Variants in DBN1 observed in about 807,000 individuals in gnomAD.
The protein encoded by DBN1 is drebrin.
DBN1 carries 21 observed loss-of-function variants against 83.5 expected under a neutral mutation model. The observed-to-expected ratio is 0.25, with a 90% CI of 0.18 to 0.36. DBN1 has a LOEUF of 0.36. Among genes scored for constraint, DBN1 ranks in the 10% least tolerant of loss-of-function variants. DBN1 has a pLI of 1.00. For missense variants in DBN1, 874 were observed against 935.7 expected (o/e 0.93, Z 0.86); for synonymous variants, 381 against 384.9 (o/e 0.99, Z 0.12).
intron 2 of DBN1, 109 bp from the exon 3 acceptor site, chr5:177,468,329 G>T: frequency 1.1e-6 from 1 of 925,708 alleles, no homozygotes. Flanking sequence ...CACCCCCAGG[G>T]GTCTTCTGGC....
At chr5:177,459,926 G>C (rs1426762823) in intron 10 of DBN1, among the ~76,000 whole-genome samples, 186 bp from the exon 11 acceptor site, 1 of 152,184 alleles carries the variant, frequency 6.6e-6, no homozygotes, top group South Asian at 2.1e-4. Context: ...GCCAGCCTGG[G>C]AGCAGTACAG....
At chr5:177,459,290 G>C in intron 11 of DBN1, 22 bp from the exon 12 acceptor site, 1 of 1,599,564 alleles carries the variant, frequency 6.3e-7, no homozygotes, top group African/African-American at 1.3e-5. Context: ...ACCCCAGGTG[G>C]GTCAGTGAGG....
At chr5:177,473,414 G>A in intron 1 of DBN1, 22 bp downstream of exon 1, 1 of 1,344,592 alleles carries the variant, frequency 7.4e-7, no homozygotes, top group Non-Finnish European at 9.8e-7. Flanking sequence ...AAAGGGGCCG[G>A]GGGCGGGGGC....
chr5:177,468,775 TG>T (rs1757643394), intron 2 of DBN1, 68 bp downstream of exon 2: 2 of 1,115,854 alleles, frequency 1.8e-6, no homozygotes, highest in Non-Finnish European at 2.4e-6. Flanking sequence ...TACAGCCAGG[TG>T]GGTGGGGAAG....
intron 1 of DBN1, chr5:177,472,843 C>T (rs34798703): frequency 3.0e-6 from 3 of 985,984 alleles, no homozygotes; most frequent in African/African-American, 1.7e-5. Flanking sequence ...CAGCAAACAT[C>T]CTTCCACCTC....
At chr5:177,462,168 T>A in intron 8 of DBN1, 5 of 895,698 alleles carry the variant, frequency 5.6e-6, no homozygotes, top group Non-Finnish European at 6.6e-6. Context: ...CACCCCTGCC[T>A]GACCTAGCCG....
intron 9 of DBN1, 37 bp downstream of exon 9, chr5:177,460,607 C>G: frequency 4.3e-6 from 7 of 1,614,158 alleles, no homozygotes; most frequent in Non-Finnish European, 5.9e-6. Context: ...TGAGATAGCC[C>G]TGTCTGCCTC....
At chr5:177,472,302 A>T in intron 1 of DBN1, 2 of 1,565,972 alleles carry the variant, frequency 1.3e-6, no homozygotes, top group East Asian at 4.7e-5. Context: ...GGGGTCCCTC[A>T]GACCTGCCCT....
chr5:177,472,802 G>A, intron 1 of DBN1: 1 of 986,426 alleles, frequency 1.0e-6, no homozygotes, highest in Non-Finnish European at 1.2e-6. Flanking sequence ...ACCCGCGGCG[G>A]TAAGGGAGTC....
intron 12 of DBN1, 137 bp from the exon 13 acceptor site, chr5:177,458,844 G>T: frequency 9.0e-7 from 1 of 1,108,778 alleles, no homozygotes; most frequent in Non-Finnish European, 1.2e-6. Flanking sequence ...AGTGACCCCA[G>T]TGACTTTAAG....
chr5:177,463,209 T>G (rs1487027137), intron 8 of DBN1, among the ~76,000 whole-genome samples: 1 of 152,192 alleles, frequency 6.6e-6, no homozygotes, highest in Non-Finnish European at 1.5e-5. Context: ...GCTAATTTCT[T>G]GTATTTTTTA....
chr5:177,468,767 C>T, intron 2 of DBN1, 77 bp downstream of exon 2: 1 of 1,048,600 alleles, frequency 9.5e-7, no homozygotes, highest in African/African-American at 1.6e-5. Context: ...AGGTGGCCTA[C>T]AGCCAGGTGG....
chr5:177,466,467 T>C lies in DBN1; in HGVS notation c.771+305A>G, dbSNP rs1468181122. Among the ~76,000 whole-genome samples, 1 of 152,164 alleles carries C rather than the reference T, an allele frequency of 6.6e-6. No homozygotes were observed. Among genetic ancestry groups the C allele is most frequent in the African/African-American group, 2.4e-5 (1 of 41,442 alleles). On this transcript the variant is annotated intron_variant, in intron 8 of 14. Coordinates refer to ENST00000393565, the MANE Select transcript of DBN1 (RefSeq NM_001363541.2). The surrounding 1 kb of genome is among the most constrained non-coding windows in gnomAD (Gnocchi z 4.8). The stretch of plus-strand genomic sequence containing the variant: ...GCCCCTCAGAGTGCAGAACAGTGTC[T>C]AATCGCCGAGAAACCCCAGGGCAGG...
At chr5:177,465,740 A>AGGAG (rs1757400588) in intron 8 of DBN1, among the ~76,000 whole-genome samples, 2 of 151,912 alleles carry the variant, frequency 1.3e-5, no homozygotes, top group Admixed American at 6.6e-5. Flanking sequence ...CTGTAATCCC[A>AGGAG]GCTACTCAGG....
intron 1 of DBN1, among the ~76,000 whole-genome samples, chr5:177,470,709 T>G (rs1281941291): frequency 2.0e-5 from 3 of 152,176 alleles, no homozygotes; most frequent in African/African-American, 7.2e-5. Flanking sequence ...AATGCTTCCG[T>G]TCTTCAGAGC....
At chr5:177,460,725 T>TCTGGTGC (rs1352107071) in intron 8 of DBN1, 22 bp from the exon 9 acceptor site, 2 of 1,612,726 alleles carry the variant, frequency 1.2e-6, no homozygotes, top group Non-Finnish European at 1.7e-6. Context: ...AGGGACAGTG[T>TCTGGTGC]CTGGTGCACC....
At chr5:177,471,576 C>A (rs1176163152) in intron 1 of DBN1, among the ~76,000 whole-genome samples, 1 of 152,136 alleles carries the variant, frequency 6.6e-6, no homozygotes, top group African/African-American at 2.4e-5. Flanking sequence ...CACTGCACCC[C>A]TGGTTCCATG....
intron 8 of DBN1, among the ~76,000 whole-genome samples, chr5:177,461,748 C>T (rs1757058314): frequency 6.6e-6 from 1 of 152,160 alleles, no homozygotes; most frequent in Admixed American, 6.5e-5. Flanking sequence ...TATTTGCTCT[C>T]CATAGGCCCT....
intron 8 of DBN1, among the ~76,000 whole-genome samples, chr5:177,464,723 T>C (rs899362408): frequency 1.3e-5 from 2 of 152,026 alleles, no homozygotes; most frequent in African/African-American, 4.8e-5. Context: ...GTGGATCACC[T>C]GAGGTCAGGA....
Sources: allele counts gnomAD v4.1 joint callset (sites outside exome capture counted in the v4.1 genomes callset), GRCh38; gene constraint gnomAD v4.1.1; non-coding constraint Gnocchi (gnomAD v3.1); transcripts MANE v1.5; gene names NCBI Gene and HGNC (gene_info 2026-07-23, HGNC 2026-07-21).